The following SNHG17 variants were observed in gnomAD, a reference collection of about 807,000 sequenced individuals.
SNHG17 encodes small nucleolar RNA host gene 17, also known as small nucleolar RNA host gene 17 (non-protein coding).
At chr20:38,433,759 A>G (rs1203396377) in intron 2 of SNHG17, 1 of 512,468 alleles carries the variant, frequency 2.0e-6, no homozygotes, top group East Asian at 5.5e-5. Context: ...CCCCTCATAG[A>G]CCCTGGTGAA....
chr20:38,429,751 G>C (rs757285489), intron 3 of SNHG17: 12 of 516,952 alleles, frequency 2.3e-5, no homozygotes, highest in South Asian at 1.7e-4. Context: ...TCCTCTCCCT[G>C]CACTACCAAT....
intron 2 of SNHG17, chr20:38,433,752 C>A: frequency 3.9e-6 from 2 of 507,918 alleles, no homozygotes; most frequent in South Asian, 2.9e-5. Context: ...GGACTCACCC[C>A]TCATAGACCC....
intron 3 of SNHG17, among the ~76,000 whole-genome samples, chr20:38,430,184 G>A (rs1036901058): frequency 6.6e-6 from 1 of 152,146 alleles, no homozygotes; most frequent in Non-Finnish European, 1.5e-5. Flanking sequence ...AGCCAGGCAT[G>A]GTGGCAGGCA....
exon 7 of SNHG17, chr20:38,421,048 C>T (rs1304068285): frequency 6.6e-6 from 1 of 152,206 alleles, no homozygotes; most frequent in Admixed American, 6.5e-5. Flanking sequence ...AGATCACCAA[C>T]TCCATGGTCT....
At chr20:38,421,345 G>A (rs989121003) in intron 6 of SNHG17, 2 of 152,144 alleles carry the variant, frequency 1.3e-5, no homozygotes, top group Admixed American at 1.3e-4. Context: ...AGCTTTCCTA[G>A]CCCCACCTGC....
At position 38,423,997 on chromosome 20, in the gene SNHG17, C is replaced by T. The variant is rs139033033; in HGVS notation, n.580-1756G>A. On this transcript the variant is annotated intron_variant and non_coding_transcript_variant, in intron 5 of 8. Coordinates refer to ENST00000654008, the Ensembl canonical transcript of SNHG17. ...GACCAGCCTGGCCAACATGGTGAAA[C>T]CCCATCTCTACTAAAAATACAAAAA... 6.2e-3 allele frequency among the ~76,000 whole-genome samples: 940 copies of T among 152,076 alleles called. 8 individuals are homozygous for T. Among genetic ancestry groups the T allele is most frequent in the Middle Eastern group, 0.024 (7 of 294 alleles).
chr20:38,424,469 C>T (rs1025359764), intron 5 of SNHG17, among the ~76,000 whole-genome samples: 1 of 152,200 alleles, frequency 6.6e-6, no homozygotes, highest in African/African-American at 2.4e-5. Flanking sequence ...TGAAGGTGGA[C>T]TGTAACAGCT....
chr20:38,435,295 G>A (rs1010351050), exon 1 of SNHG17: 28 of 1,231,692 alleles, frequency 2.3e-5, no homozygotes, highest in Middle Eastern at 6.2e-4. Context: ...GGTGGCGTGC[G>A]ATGGCGAAGG....
At chr20:38,422,546 T>C (rs2084174204) in intron 5 of SNHG17, among the ~76,000 whole-genome samples, 1 of 152,218 alleles carries the variant, frequency 6.6e-6, no homozygotes, top group South Asian at 2.1e-4. Flanking sequence ...TGCTATCCTA[T>C]GTGCCCACTC....
exon 1 of SNHG17, chr20:38,435,317 C>G: frequency 1.6e-6 from 2 of 1,231,206 alleles, no homozygotes. Context: ...CGGCGAGGGA[C>G]GGCGAAGGAC....
chr20:38,422,464 T>C (rs2084172407), intron 5 of SNHG17, among the ~76,000 whole-genome samples: 1 of 152,170 alleles, frequency 6.6e-6, no homozygotes, highest in African/African-American at 2.4e-5. Context: ...AGCCACATTA[T>C]TGTCTCAGGA....
intron 5 of SNHG17, among the ~76,000 whole-genome samples, chr20:38,422,985 G>A (rs142487200): frequency 0.011 from 1,671 of 151,416 alleles, 24 homozygotes; most frequent in African/African-American, 0.038. Flanking sequence ...CCAGCTACTC[G>A]GGAGGCTGAG....
intron 3 of SNHG17, chr20:38,427,437 G>A (rs758285594): frequency 5.8e-6 from 3 of 516,124 alleles, no homozygotes; most frequent in East Asian, 5.5e-5. Context: ...ACTTTCGGAT[G>A]CAGGAGCAGA....
At chr20:38,422,732 A>T (rs1211947376) in intron 5 of SNHG17, among the ~76,000 whole-genome samples, 1 of 152,176 alleles carries the variant, frequency 6.6e-6, no homozygotes, top group East Asian at 1.9e-4. Flanking sequence ...GATGAATGGA[A>T]AAAGAAAATG....
intron 5 of SNHG17, chr20:38,425,160 G>T (rs759709993): frequency 2.0e-6 from 1 of 510,282 alleles, no homozygotes; most frequent in South Asian, 1.4e-5. Context: ...ACGACAACCA[G>T]GTACCAGGAG....
At chr20:38,422,506 G>A (rs1028188159) in intron 5 of SNHG17, among the ~76,000 whole-genome samples, 1 of 152,244 alleles carries the variant, frequency 6.6e-6, no homozygotes, top group Admixed American at 6.5e-5. Context: ...GAAGAGGTCG[G>A]CAAACTATCT....
chr20:38,429,869 C>G lies in SNHG17; in HGVS notation n.380+1172G>C, dbSNP rs138883238. 1.1e-3 allele frequency: 574 copies of G among 500,898 alleles called. 3 individuals are homozygous for G. Among genetic ancestry groups the G allele is most frequent in the African/African-American group, 0.01 (517 of 50,778 alleles). The allele number at this position is 500,898 out of a possible 1,614,324, so 31.0% of individuals were successfully genotyped here. A position where few individuals can be genotyped will look rare whatever the true frequency, so the allele number is the denominator to read the frequency against. ...CTGGCATTCCGGGCAATGGTCTCACCTGGAACAGAACAGCTGACAGGGCAA... is the reference window on the plus strand; with the variant it reads ...CTGGCATTCCGGGCAATGGTCTCACGTGGAACAGAACAGCTGACAGGGCAA... On this transcript the variant is annotated intron_variant and non_coding_transcript_variant, in intron 3 of 8. Coordinates refer to ENST00000654008, the Ensembl canonical transcript of SNHG17.
intron 5 of SNHG17, chr20:38,425,171 G>T (rs901394089): frequency 1.9e-6 from 1 of 513,284 alleles, no homozygotes; most frequent in Non-Finnish European, 3.9e-6. Flanking sequence ...GTACCAGGAG[G>T]TAACATCACT....
rs1381573504 is a variant in SNHG17, at chr20:38,431,026, C to CA, written n.380+14dup. On this transcript the variant is annotated intron_variant and non_coding_transcript_variant, in intron 3 of 8. Transcript: ENST00000654008. ...AGAACTTGAGCTCTAGAGGACTGAG[C>CA]AGGACCCCACTTACCTGGGACCTCA... The CA allele has an allele frequency of 2.0e-5, 3 of 152,416 alleles. No individual in the cohort carries two copies. In the East Asian group the frequency reaches 5.8e-4, roughly 29 times the overall value. The allele number at this position is 152,416 out of a possible 1,614,324, so 9.4% of individuals were successfully genotyped here.
Sources: gnomAD v4.1 joint callset for allele counts (sites outside exome capture counted in the v4.1 genomes callset) on GRCh38, gnomAD v4.1.1 for gene constraint, MANE v1.5 for transcripts, NCBI Gene and HGNC (gene_info 2026-07-23, HGNC 2026-07-21) for gene names.